The following CTNNA3 variants were observed in gnomAD, a reference collection of about 807,000 sequenced individuals.
The protein encoded by CTNNA3 is catenin alpha 3.
CTNNA3 carries 76 observed loss-of-function variants against 95.7 expected under a neutral mutation model. That is an observed-to-expected ratio of 0.79 (90% confidence interval 0.66 to 0.96). The LOEUF (loss-of-function observed/expected upper bound fraction) is 0.96. Among genes scored for constraint, CTNNA3 ranks in the 40% least tolerant of loss-of-function variants. The pLI is 0.00. For synonymous variants in CTNNA3, 431 were observed against 374.4 expected (o/e 1.15, Z -1.74); for missense variants, 1,191 against 1,089.8 (o/e 1.09, Z -1.31).
chr10:66,633,517 A>G (rs946333881), intron 9 of CTNNA3, among the ~76,000 whole-genome samples: 1 of 151,940 alleles, frequency 6.6e-6, no homozygotes, highest in Non-Finnish European at 1.5e-5. Flanking sequence ...CGTCTCTACT[A>G]AAAATACAAA....
chr10:66,677,732 T>A (rs1846911842), intron 9 of CTNNA3, among the ~76,000 whole-genome samples: 1 of 152,168 alleles, frequency 6.6e-6, no homozygotes, highest in South Asian at 2.1e-4. Context: ...TCCCCAGCCA[T>A]GTGGAACCTC....
intron 12 of CTNNA3, 26 bp from the exon 13 acceptor site, chr10:66,280,647 G>T (rs764612743): frequency 1.9e-6 from 3 of 1,564,930 alleles, no homozygotes; most frequent in Admixed American, 1.9e-5. Context: ...ATAAGGAGAA[G>T]ATTGTCCTCT....
chr10:66,041,867 G>C (rs892030859), intron 15 of CTNNA3, among the ~76,000 whole-genome samples: 2 of 152,082 alleles, frequency 1.3e-5, no homozygotes, highest in African/African-American at 4.8e-5. Flanking sequence ...CTAAATAGCT[G>C]AAAGAATATA....
intron 13 of CTNNA3, among the ~76,000 whole-genome samples, chr10:66,196,997 G>A (rs1564752465): frequency 6.6e-6 from 1 of 152,030 alleles, no homozygotes; most frequent in African/African-American, 2.4e-5. Flanking sequence ...CATATCCAGT[G>A]ATCATGAGGA....
Position 67,741,276 on chromosome 10 carries a change from T to A in CTNNA3, c.-2+22158A>T, listed in dbSNP as rs1244882235. ...TATACCTATGTAACTAACCTGCACA[T>A]TGTGCACATGTACCCTAAAACTTAA... On this transcript the variant is annotated intron_variant, in intron 1 of 17. Coordinates refer to the CTNNA3 transcript ENST00000684154. 1.8e-4 allele frequency among the ~76,000 whole-genome samples: 26 copies of A among 148,506 alleles called. No homozygotes were observed. The Middle Eastern group carries it at 0.011, about 60-fold the overall frequency.
chr10:66,095,376 T>C (rs1355383329), intron 14 of CTNNA3, among the ~76,000 whole-genome samples: 1 of 152,108 alleles, frequency 6.6e-6, no homozygotes, highest in African/African-American at 2.4e-5. Context: ...TGAGAAAATG[T>C]ATTGCCTGCT....
chr10:67,728,800 C>T (rs913163810), intron 1 of CTNNA3, among the ~76,000 whole-genome samples: 13 of 151,956 alleles, frequency 8.6e-5, no homozygotes, highest in African/African-American at 1.5e-4. Context: ...TTTGTTAGGT[C>T]GGACTGACTG....
chr10:65,995,986 C>T (rs1165396489), intron 15 of CTNNA3, among the ~76,000 whole-genome samples: 1 of 152,106 alleles, frequency 6.6e-6, no homozygotes, highest in Non-Finnish European at 1.5e-5. Context: ...ACCTAGGCTC[C>T]CCTGGTAAAG....
Position 65,925,654 on chromosome 10 carries a change from C to G in CTNNA3, c.2401-5037G>C, listed in dbSNP as rs57202450. ...TTTTCACCATATTGGCTAGGTCAGT[C>G]CCCAACTCCTGACCTCAGGTCATCC... On this transcript the variant is annotated intron_variant, in intron 17 of 17. Transcript: ENST00000433211. Among the ~76,000 whole-genome samples, 1,103 of 152,206 alleles carry G rather than the reference C, an allele frequency of 7.2e-3. 18 individuals carry two copies. Among genetic ancestry groups the G allele is most frequent in the African/African-American group, 0.025 (1,042 of 41,534 alleles).
At chr10:67,135,874 T>A (rs926849221) in intron 7 of CTNNA3, among the ~76,000 whole-genome samples, 7 of 152,228 alleles carry the variant, frequency 4.6e-5, no homozygotes, top group African/African-American at 1.7e-4. Context: ...TATATGTTTC[T>A]ACTTTACTAT....
At chr10:66,132,076 T>C (rs1466965717) in intron 13 of CTNNA3, among the ~76,000 whole-genome samples, 1 of 152,116 alleles carries the variant, frequency 6.6e-6, no homozygotes, top group African/African-American at 2.4e-5. Context: ...TAAGAGCTTC[T>C]GCACAGCAGA....
intron 7 of CTNNA3, among the ~76,000 whole-genome samples, chr10:67,155,467 T>A (rs7911365): frequency 6.6e-6 from 1 of 151,626 alleles, no homozygotes; most frequent in Non-Finnish European, 1.5e-5. Flanking sequence ...GATATAATGT[T>A]TCATTAATGT....
chr10:66,541,736 A>G (rs530602705), intron 10 of CTNNA3, among the ~76,000 whole-genome samples: 1 of 152,150 alleles, frequency 6.6e-6, no homozygotes, highest in South Asian at 2.1e-4. Context: ...ACTTACCCCA[A>G]GAGAGAAGTC....
chr10:66,869,531 C>T (rs1175715807), intron 7 of CTNNA3, among the ~76,000 whole-genome samples: 1 of 152,006 alleles, frequency 6.6e-6, no homozygotes, highest in Non-Finnish European at 1.5e-5. Flanking sequence ...CAAGATCATG[C>T]CACTGCACTG....
chr10:67,620,923 G>A (rs867057914), intron 2 of CTNNA3, among the ~76,000 whole-genome samples: 3,999 of 123,484 alleles, frequency 0.032, 148 homozygotes, highest in African/African-American at 0.09. Flanking sequence ...GTGTGTGTGT[G>A]TATATATATA....
chr10:67,632,552 G>A (rs2133440022), intron 2 of CTNNA3, among the ~76,000 whole-genome samples: 1 of 152,218 alleles, frequency 6.6e-6, no homozygotes, highest in South Asian at 2.1e-4. Context: ...AAGCAGGGTG[G>A]GGCGATGGTC....
chr10:66,896,709 T>C (rs1431181713), intron 7 of CTNNA3, among the ~76,000 whole-genome samples: 1 of 152,216 alleles, frequency 6.6e-6, no homozygotes, highest in Non-Finnish European at 1.5e-5. Context: ...TCCTCATCTG[T>C]TTCTCTAGCC....
At chr10:66,096,351 G>A (rs1447618612) in intron 14 of CTNNA3, among the ~76,000 whole-genome samples, 1 of 151,980 alleles carries the variant, frequency 6.6e-6, no homozygotes, top group Non-Finnish European at 1.5e-5. Flanking sequence ...GTTCTTCTTG[G>A]GCAGGGGCAA....
chr10:67,530,851 C>T (rs1016029971), intron 4 of CTNNA3, among the ~76,000 whole-genome samples: 1 of 152,168 alleles, frequency 6.6e-6, no homozygotes, highest in Non-Finnish European at 1.5e-5. Context: ...GCCCAAGGTC[C>T]CCATGCTGTG....
Sources: allele counts gnomAD v4.1 joint callset (sites outside exome capture counted in the v4.1 genomes callset), GRCh38; gene constraint gnomAD v4.1.1; transcripts MANE v1.5; gene names NCBI Gene and HGNC (gene_info 2026-07-23, HGNC 2026-07-21).